STXBP5L: variants seen among roughly 807,000 people sequenced by gnomAD.
STXBP5L encodes the protein syntaxin-binding protein 5-like.
In STXBP5L, 65 loss-of-function variants were observed where a neutral mutation model predicts 144.5. That is an observed-to-expected ratio of 0.45 (90% CI 0.37 to 0.55). The LOEUF (loss-of-function observed/expected upper bound fraction) is 0.55. Ranked by LOEUF, STXBP5L falls within the 20% of genes least tolerant of loss-of-function variation. The probability of loss-of-function intolerance (pLI) is 0.00; values close to 1 mark genes in which losing one functional copy is unlikely to be tolerated. For synonymous variants in STXBP5L, 505 were observed against 469.6 expected (o/e 1.08, Z -0.97); for missense variants, 1,298 against 1,405.5 (o/e 0.92, Z 1.22).
intron 19 of STXBP5L, among the ~76,000 whole-genome samples, chr3:121,301,422 T>A (rs143889603): frequency 9.8e-5 from 15 of 152,320 alleles, no homozygotes; most frequent in African/African-American, 2.9e-4. Flanking sequence ...CTGAAGTTGG[T>A]TATCAGCTTA....
intron 5 of STXBP5L, among the ~76,000 whole-genome samples, chr3:121,090,851 A>C (rs961402620): frequency 1.2e-4 from 18 of 152,148 alleles, no homozygotes; most frequent in Non-Finnish European, 2.5e-4. Context: ...ATATGTATAC[A>C]TGTGACATGC....
intron 3 of STXBP5L, among the ~76,000 whole-genome samples, chr3:120,967,111 C>G (rs115761692): frequency 4.6e-5 from 7 of 152,000 alleles, no homozygotes; most frequent in Non-Finnish European, 8.8e-5. Flanking sequence ...GAGCCAGGCA[C>G]GAGAGAGAAT....
intron 2 of STXBP5L, among the ~76,000 whole-genome samples, chr3:120,951,807 A>G (rs1310037663): frequency 1.3e-5 from 2 of 152,166 alleles, no homozygotes; most frequent in African/African-American, 4.8e-5. Flanking sequence ...ATTACGGGGT[A>G]TATACCGAAA....
chr3:121,201,646 T>G (rs1191288), intron 9 of STXBP5L, among the ~76,000 whole-genome samples: 118,975 of 151,190 alleles, frequency 0.79, 47,041 homozygotes, highest in East Asian at 0.93. Context: ...GCAGTGGCCG[T>G]TACTGGTTGT....
intron 5 of STXBP5L, 98 bp downstream of exon 5, chr3:121,045,633 A>C: frequency 4.4e-4 from 441 of 998,694 alleles, no homozygotes; most frequent in Non-Finnish European, 6.0e-4. Context: ...TCATAATCTC[A>C]ACAGCTAGAA....
intron 7 of STXBP5L, among the ~76,000 whole-genome samples, chr3:121,152,099 A>G (rs969462074): frequency 1.4e-4 from 21 of 152,096 alleles, no homozygotes; most frequent in Non-Finnish European, 2.6e-4. Context: ...ATTTGAAGCC[A>G]CATTTCTCAA....
At chr3:120,951,945 C>T (rs1576472649) in intron 2 of STXBP5L, among the ~76,000 whole-genome samples, 1 of 151,578 alleles carries the variant, frequency 6.6e-6, no homozygotes, top group African/African-American at 2.4e-5. Context: ...GAAAATGTGG[C>T]ACATATACAC....
chr3:121,352,688 G>A (rs2045339605), intron 20 of STXBP5L, among the ~76,000 whole-genome samples: 2 of 151,986 alleles, frequency 1.3e-5, no homozygotes, highest in African/African-American at 2.4e-5. Context: ...TCTCTTGCCT[G>A]ATTGCCCTGG....
intron 3 of STXBP5L, among the ~76,000 whole-genome samples, chr3:121,027,814 A>G (rs1252597691): frequency 6.6e-6 from 1 of 152,086 alleles, no homozygotes; most frequent in Non-Finnish European, 1.5e-5. Flanking sequence ...AGGGATCAGG[A>G]CATGGACATC....
At chr3:121,332,553 T>A (rs887549737) in intron 20 of STXBP5L, among the ~76,000 whole-genome samples, 1 of 151,568 alleles carries the variant, frequency 6.6e-6, no homozygotes, top group African/African-American at 2.4e-5. Context: ...ATTAATTCAA[T>A]CAAACAAAAA....
At chr3:120,947,614 A>G (rs1344098698) in intron 2 of STXBP5L, among the ~76,000 whole-genome samples, 1 of 151,740 alleles carries the variant, frequency 6.6e-6, no homozygotes, top group East Asian at 1.9e-4. Context: ...TTAACAGTCA[A>G]TTCCTATTAC....
chr3:121,141,032 AAAT>A (rs1457892592), intron 7 of STXBP5L, among the ~76,000 whole-genome samples: 3 of 152,192 alleles, frequency 2.0e-5, no homozygotes, highest in Non-Finnish European at 2.9e-5. Flanking sequence ...AATATAAAAG[AAAT>A]AAACTTTTTA....
intron 9 of STXBP5L, among the ~76,000 whole-genome samples, chr3:121,194,008 C>A (rs1249581383): frequency 6.6e-6 from 1 of 151,744 alleles, no homozygotes; most frequent in Non-Finnish European, 1.5e-5. Context: ...ATTTTAGATG[C>A]TTGCTTTAGT....
chr3:120,996,074 G>T (rs997725041), intron 3 of STXBP5L, among the ~76,000 whole-genome samples: 2 of 151,890 alleles, frequency 1.3e-5, no homozygotes, highest in Non-Finnish European at 2.9e-5. Context: ...AAAATGTAAC[G>T]TCTCCTTCTG....
At chr3:121,000,936 C>A (rs1204647393) in intron 3 of STXBP5L, among the ~76,000 whole-genome samples, 1 of 152,284 alleles carries the variant, frequency 6.6e-6, no homozygotes, top group African/African-American at 2.4e-5. Context: ...TTGCTGGGAT[C>A]AAGCCTATGG....
At chr3:121,133,253 A>G (rs1207088793) in intron 7 of STXBP5L, among the ~76,000 whole-genome samples, 1 of 152,136 alleles carries the variant, frequency 6.6e-6, no homozygotes, top group East Asian at 1.9e-4. Flanking sequence ...AAATCTGGGG[A>G]ATGTAGATAT....
At chr3:121,074,614 A>G (rs1337537782) in intron 5 of STXBP5L, among the ~76,000 whole-genome samples, 1 of 152,080 alleles carries the variant, frequency 6.6e-6, no homozygotes, top group East Asian at 1.9e-4. Context: ...GCAGCTTGAG[A>G]AATAATTTCT....
intron 2 of STXBP5L, among the ~76,000 whole-genome samples, chr3:120,941,622 A>G (rs1460262456): frequency 6.6e-6 from 1 of 151,824 alleles, no homozygotes; most frequent in African/African-American, 2.4e-5. Flanking sequence ...TTTACAAAAT[A>G]CTTTATTACA....
At chr3:121,055,912 C>G (rs1360019284) in intron 5 of STXBP5L, among the ~76,000 whole-genome samples, 1 of 146,274 alleles carries the variant, frequency 6.8e-6, no homozygotes, top group Non-Finnish European at 1.5e-5. Context: ...AGGCTGATTT[C>G]AAATTCCTGG....
Sources: allele counts gnomAD v4.1 joint callset (sites outside exome capture counted in the v4.1 genomes callset), GRCh38; gene constraint gnomAD v4.1.1; transcripts MANE v1.5; gene names NCBI Gene and HGNC (gene_info 2026-07-23, HGNC 2026-07-21).